ST6GALNAC3: variants seen among roughly 807,000 people sequenced by gnomAD.
ST6GALNAC3 encodes alpha-N-acetylgalactosaminide alpha-2,6-sialyltransferase 3.
Under a neutral mutation model 32.7 loss-of-function variants are expected in ST6GALNAC3, and 25 were observed. That is an observed-to-expected ratio of 0.76 (90% CI 0.56 to 1.07). The LOEUF (loss-of-function observed/expected upper bound fraction) is 1.07, where lower values mean the gene tolerates loss of function less well. Among genes scored for constraint, ST6GALNAC3 ranks in the 50% least tolerant of loss-of-function variants. The pLI, the probability that ST6GALNAC3 is intolerant of heterozygous loss-of-function variation, is 0.00. For missense variants in ST6GALNAC3, 355 were observed against 382.4 expected (o/e 0.93, Z 0.60); for synonymous variants, 129 against 133.1 (o/e 0.97, Z 0.21).
chr1:76,401,139 CTT>C (rs1451310503), intron 2 of ST6GALNAC3, among the ~76,000 whole-genome samples: 1 of 151,990 alleles, frequency 6.6e-6, no homozygotes, highest in African/African-American at 2.4e-5. Context: ...CATTTTATCT[CTT>C]CTCTCCCTCT....
chr1:76,144,361 G>A (rs962265488), intron 1 of ST6GALNAC3, among the ~76,000 whole-genome samples: 1 of 152,188 alleles, frequency 6.6e-6, no homozygotes, highest in Non-Finnish European at 1.5e-5. Context: ...TAACAGTTAA[G>A]AAAACAGACC....
chr1:76,346,192 C>G (rs948021464), intron 2 of ST6GALNAC3, among the ~76,000 whole-genome samples: 1 of 152,130 alleles, frequency 6.6e-6, no homozygotes, highest in Non-Finnish European at 1.5e-5. Context: ...CATACATCGT[C>G]GGCACTTACG....
Position 76,091,514 on chromosome 1 carries a change from C to A in ST6GALNAC3, c.18+16630C>A, listed in dbSNP as rs973950524. Among the ~76,000 whole-genome samples, 6 of 152,228 alleles carry A rather than the reference C, an allele frequency of 3.9e-5. 1 individual carries two copies. The highest frequency in any genetic ancestry group is 3.3e-4 in the Admixed American group (5 of 15,280). On this transcript the variant is annotated intron_variant, in intron 1 of 4. Coordinates refer to ENST00000328299, the MANE Select transcript of ST6GALNAC3 (RefSeq NM_152996.4). ...CCCTCAAGGCAGCTATTGATGGAGT[C>A]ATCCTATGCTCCAAACCTTGAGCTA...
chr1:76,387,044 C>T (rs1652151873), intron 2 of ST6GALNAC3, among the ~76,000 whole-genome samples: 1 of 152,120 alleles, frequency 6.6e-6, no homozygotes, highest in Non-Finnish European at 1.5e-5. Flanking sequence ...TTCCAGTTCT[C>T]TGCCTAACTT....
At chr1:76,113,206 G>T (rs1439606221) in intron 1 of ST6GALNAC3, among the ~76,000 whole-genome samples, 1 of 152,070 alleles carries the variant, frequency 6.6e-6, no homozygotes, top group Non-Finnish European at 1.5e-5. Flanking sequence ...AGGCGTGGCG[G>T]CGCGCGCCTG....
At chr1:76,585,178 A>G (rs1020482753) in intron 3 of ST6GALNAC3, among the ~76,000 whole-genome samples, 1 of 152,108 alleles carries the variant, frequency 6.6e-6, no homozygotes, top group African/African-American at 2.4e-5. Flanking sequence ...TGAGGTCAGG[A>G]GTTCGAGACC....
At chr1:76,618,627 T>C (rs1648444680) in intron 3 of ST6GALNAC3, among the ~76,000 whole-genome samples, 1 of 152,146 alleles carries the variant, frequency 6.6e-6, no homozygotes, top group South Asian at 2.1e-4. Context: ...CAGCTATAAC[T>C]CTGCTAAGCT....
intron 1 of ST6GALNAC3, among the ~76,000 whole-genome samples, chr1:76,160,620 A>G (rs901413695): frequency 2.0e-4 from 30 of 152,282 alleles, no homozygotes; most frequent in East Asian, 1.9e-4. Flanking sequence ...CAGGCTGTGA[A>G]CTGTTCATTA....
At chr1:76,325,689 C>T (rs921193512) in intron 2 of ST6GALNAC3, among the ~76,000 whole-genome samples, 2 of 149,458 alleles carry the variant, frequency 1.3e-5, no homozygotes, top group Non-Finnish European at 3.0e-5. Context: ...AAAATATTGT[C>T]CTGTGAGCTC....
At chr1:76,198,078 C>A (rs544955588) in intron 1 of ST6GALNAC3, among the ~76,000 whole-genome samples, 1 of 152,142 alleles carries the variant, frequency 6.6e-6, no homozygotes, top group Non-Finnish European at 1.5e-5. Flanking sequence ...CACTGTGTCA[C>A]CTAGGCTGGA....
intron 3 of ST6GALNAC3, among the ~76,000 whole-genome samples, chr1:76,488,644 G>T (rs1272313875): frequency 6.6e-6 from 1 of 152,090 alleles, no homozygotes; most frequent in African/African-American, 2.4e-5. Flanking sequence ...AATAATTTAT[G>T]GGGCATACTG....
intron 2 of ST6GALNAC3, among the ~76,000 whole-genome samples, chr1:76,318,610 C>T (rs1378392026): frequency 2.0e-5 from 3 of 152,060 alleles, no homozygotes; most frequent in East Asian, 1.9e-4. Flanking sequence ...TAATGCAATC[C>T]CCCATTTTAA....
intron 3 of ST6GALNAC3, among the ~76,000 whole-genome samples, chr1:76,465,718 T>A (rs568187969): frequency 2.2e-4 from 33 of 152,136 alleles, no homozygotes; most frequent in East Asian, 7.8e-4. Context: ...ATTTTTTTTT[T>A]AAATGTAATT....
At chr1:76,622,650 C>G (rs1648721538) in intron 3 of ST6GALNAC3, among the ~76,000 whole-genome samples, 1 of 151,864 alleles carries the variant, frequency 6.6e-6, no homozygotes, top group Non-Finnish European at 1.5e-5. Context: ...GTTATCCTGT[C>G]CAAAATGTTA....
intron 1 of ST6GALNAC3, among the ~76,000 whole-genome samples, chr1:76,085,867 AT>A (rs1251908711): frequency 2.0e-5 from 3 of 152,248 alleles, no homozygotes; most frequent in Non-Finnish European, 2.9e-5. Context: ...ATTTAAATCA[AT>A]TTAGCAATTT....
chr1:76,454,050 T>A (rs1049662965), intron 3 of ST6GALNAC3, among the ~76,000 whole-genome samples: 2 of 152,194 alleles, frequency 1.3e-5, no homozygotes, highest in Non-Finnish European at 2.9e-5. Context: ...GTGTATTTTT[T>A]AACTGCTGTT....
intron 1 of ST6GALNAC3, among the ~76,000 whole-genome samples, chr1:76,080,790 C>A (rs1014362770): frequency 3.9e-5 from 6 of 152,094 alleles, no homozygotes; most frequent in Non-Finnish European, 5.9e-5. Flanking sequence ...AATCTGAAAC[C>A]GTAGGATAAC....
At chr1:76,110,478 C>T (rs1647846704) in intron 1 of ST6GALNAC3, among the ~76,000 whole-genome samples, 2 of 152,234 alleles carry the variant, frequency 1.3e-5, no homozygotes, top group African/African-American at 4.8e-5. Flanking sequence ...GTGTGTGAGT[C>T]TTGGGAGAAG....
chr1:76,504,396 G>A (rs1388717330), intron 3 of ST6GALNAC3, among the ~76,000 whole-genome samples: 1 of 151,964 alleles, frequency 6.6e-6, no homozygotes, highest in Non-Finnish European at 1.5e-5. Context: ...ATCTGCAAAG[G>A]CCTTTATTCC....
Sources: allele counts gnomAD v4.1 joint callset (sites outside exome capture counted in the v4.1 genomes callset), GRCh38; gene constraint gnomAD v4.1.1; transcripts MANE v1.5; gene names NCBI Gene and HGNC (gene_info 2026-07-23, HGNC 2026-07-21).